XG: variants seen among roughly 807,000 people sequenced by gnomAD.
XG encodes the protein Xg glycoprotein (Xg blood group).
A neutral mutation model predicts 25.7 loss-of-function variants in XG; 24 were observed. The ratio of observed to expected loss-of-function variants is 0.93; its 90% CI spans 0.68 to 1.31. XG has a LOEUF of 1.31. Ranked by LOEUF, XG falls within the 40% of genes most tolerant of loss-of-function variation. XG has a pLI of 0.00. For synonymous variants in XG, 77 were observed against 69.2 expected (o/e 1.11, Z -0.56); for missense variants, 181 against 187.6 (o/e 0.96, Z 0.21).
chrX:2,788,578 G>A (rs1222568492), intron 4 of XG, among the ~76,000 whole-genome samples: 1 of 111,692 alleles, frequency 9.0e-6, no homozygotes. Context: ...GGCAGGGCTG[G>A]GCACGGTGGC....
chrX:2,779,956 C>T lies in XG; in HGVS notation c.128-2110C>T, dbSNP rs747432617. Among the ~76,000 whole-genome samples, 9 of 152,202 alleles carry T rather than the reference C, an allele frequency of 5.9e-5. No individual in the cohort carries two copies. In the South Asian group the frequency reaches 1.9e-3, roughly 32 times the overall value. ...GCCACCGTGTCCAGCCTCTGGTATACTTTAAATTATCTCTAGGTTACTCAT... is the reference window on the plus strand; with the variant it reads ...GCCACCGTGTCCAGCCTCTGGTATATTTTAAATTATCTCTAGGTTACTCAT... On this transcript the variant is annotated intron_variant, in intron 3 of 10. Transcript: ENST00000644266.
chrX:2,753,573 T>C (rs2050375477), intron 1 of XG, among the ~76,000 whole-genome samples: 2 of 152,024 alleles, frequency 1.3e-5, no homozygotes, highest in South Asian at 4.2e-4. Flanking sequence ...TGAGTACCCA[T>C]ACAACTTTTC....
At chrX:2,778,775 C>CTT (rs1177625639) in intron 3 of XG, among the ~76,000 whole-genome samples, 5 of 140,148 alleles carry the variant, frequency 3.6e-5, no homozygotes, top group South Asian at 2.3e-4. Context: ...TCATGCGATA[C>CTT]TTTTTTTTTT....
chrX:2,782,553 TGGGGAGTGCTGAC>T (rs2147060753), intron 4 of XG, among the ~76,000 whole-genome samples: 1 of 110,302 alleles, frequency 9.1e-6, no homozygotes, highest in South Asian at 4.0e-4. Flanking sequence ...GCTTGGGAAG[TGGGGAGTGCTGAC>T]CGGTCAGGTT....
At chrX:2,814,279 T>C in intron 10 of XG, 85 bp from the exon 11 acceptor site, 1 of 1,077,698 alleles carries the variant, frequency 9.3e-7, no homozygotes. Flanking sequence ...CAGCATAGAA[T>C]TGGATCTTGG....
intron 4 of XG, among the ~76,000 whole-genome samples, chrX:2,788,815 A>C (rs751106937): frequency 1.9e-5 from 2 of 107,777 alleles, no homozygotes; most frequent in Non-Finnish European, 3.8e-5. Flanking sequence ...AGATCACACC[A>C]CTGCACTCCA....
At chrX:2,801,951 C>T (rs1451954425) in intron 7 of XG, among the ~76,000 whole-genome samples, 2 of 111,127 alleles carry the variant, frequency 1.8e-5, no homozygotes, top group Non-Finnish European at 3.8e-5. Flanking sequence ...TCGTGATCCG[C>T]CCGCCTCGGC....
rs747476151 is a variant in XG, at chrX:2,784,647, G to A, written c.190+2519G>A. ...TTAAGATGGGCCATCTTCAGAGTGT[G>A]AACACTCAGCCCCTCCCACAGCAAA... On this transcript the variant is annotated intron_variant, in intron 4 of 10. Coordinates refer to ENST00000644266, the MANE Select transcript of XG (RefSeq NM_001141919.2). Among the ~76,000 whole-genome samples, 7 of 110,663 alleles carry A rather than the reference G, an allele frequency of 6.3e-5. No individual in the cohort carries two copies. The East Asian group carries it at 1.4e-3, about 23-fold the overall frequency.
intron 10 of XG, among the ~76,000 whole-genome samples, 163 bp downstream of exon 10, chrX:2,811,615 A>G (rs182965359): frequency 8.9e-6 from 1 of 111,892 alleles, no homozygotes; most frequent in Admixed American, 9.5e-5. Context: ...ATTCTTTTTG[A>G]GACAGAGTTA....
rs1235770282 is a variant in XG at position 2,796,492 on chromosome X, A to ATGTGTGTGTG, written c.323-817_323-816insGTGTGTGTGT. On this transcript the variant is annotated intron_variant, in intron 6 of 10. Coordinates refer to ENST00000644266, the MANE Select transcript of XG (RefSeq NM_001141919.2). ...TATGTGTGTGTGTGTGTGTGTGTAT[A>ATGTGTGTGTG]TATATATACACCTTTATATATGTAC... 5.3e-4 allele frequency among the ~76,000 whole-genome samples: 35 copies of ATGTGTGTGTG among 66,503 alleles called. 1 individual carries two copies. In the South Asian group the frequency reaches 6.7e-3, roughly 13 times the overall value. The allele number at this position is 66,503 out of a possible 115,157, so 57.7% of individuals were successfully genotyped here. A position where few individuals can be genotyped will look rare whatever the true frequency, so the allele number is the denominator to read the frequency against.
At chrX:2,770,208 C>G (rs1358867371) in intron 1 of XG, among the ~76,000 whole-genome samples, 1 of 152,076 alleles carries the variant, frequency 6.6e-6, no homozygotes, top group African/African-American at 2.4e-5. Flanking sequence ...ATGAAAGAAG[C>G]CAGGCACAAA....
intron 3 of XG, among the ~76,000 whole-genome samples, chrX:2,780,535 C>G (rs1045964221): frequency 2.6e-5 from 4 of 151,638 alleles, no homozygotes; most frequent in African/African-American, 7.3e-5. Flanking sequence ...TGAGACCAGC[C>G]TGGCCAACAT....
chrX:2,773,557 A>T (rs1775436852), intron 2 of XG, among the ~76,000 whole-genome samples: 1 of 105,302 alleles, frequency 9.5e-6, no homozygotes, highest in Non-Finnish European at 2.0e-5. Flanking sequence ...GAGAGAAGGA[A>T]GGAAGGAGAG....
intron 2 of XG, among the ~76,000 whole-genome samples, chrX:2,773,352 A>C (rs1348524003): frequency 6.8e-6 from 1 of 147,682 alleles, no homozygotes; most frequent in African/African-American, 2.5e-5. Flanking sequence ...AGGAGAAGAA[A>C]GGAAGAAAGA....
intron 4 of XG, among the ~76,000 whole-genome samples, chrX:2,787,184 G>C: frequency 9.1e-6 from 1 of 109,511 alleles, no homozygotes; most frequent in East Asian, 2.9e-4. Context: ...ATCAATGTCT[G>C]TTGTTTATAA....
chrX:2,760,934 C>A, intron 1 of XG, among the ~76,000 whole-genome samples: 1 of 152,182 alleles, frequency 6.6e-6, no homozygotes, highest in East Asian at 1.9e-4. Context: ...ACCAGCCCTG[C>A]CCACACCTTG....
chrX:2,772,679 C>T (rs182032081), intron 2 of XG, among the ~76,000 whole-genome samples: 23 of 152,312 alleles, frequency 1.5e-4, no homozygotes, highest in African/African-American at 5.1e-4. Flanking sequence ...CATTGAATTG[C>T]ACACTTTAAA....
intron 1 of XG, among the ~76,000 whole-genome samples, chrX:2,754,156 T>G (rs2050387644): frequency 1.3e-5 from 2 of 152,200 alleles, no homozygotes; most frequent in South Asian, 2.1e-4. Flanking sequence ...TGGAGTGCGG[T>G]GGTTCCATCA....
intron 3 of XG, among the ~76,000 whole-genome samples, chrX:2,778,568 G>T (rs1195819887): frequency 6.6e-6 from 1 of 152,004 alleles, no homozygotes; most frequent in African/African-American, 2.4e-5. Flanking sequence ...AAAGAAGAAA[G>T]AAATGAAAAC....
Sources: gnomAD v4.1 joint callset for allele counts (sites outside exome capture counted in the v4.1 genomes callset) on GRCh38, gnomAD v4.1.1 for gene constraint, MANE v1.5 for transcripts, NCBI Gene and HGNC (gene_info 2026-07-23, HGNC 2026-07-21) for gene names.